Variants in NBEAL1 observed in about 807,000 individuals in gnomAD.
NBEAL1 encodes the protein neurobeachin-like protein 1.
NBEAL1 carries 273 observed loss-of-function variants against 351.3 expected under a neutral mutation model. The ratio of observed to expected loss-of-function variants is 0.78; its 90% confidence interval spans 0.70 to 0.86. The LOEUF is 0.86. Among genes scored for constraint, NBEAL1 ranks in the 40% least tolerant of loss-of-function variants. The pLI, the probability that NBEAL1 is intolerant of heterozygous loss-of-function variation, is 0.00. For missense variants in NBEAL1, 2,961 were observed against 3,201.3 expected (o/e 0.92, Z 1.81); for synonymous variants, 1,050 against 1,086.4 (o/e 0.97, Z 0.66).
At chr2:203,127,387 A>G (rs866848584) in intron 23 of NBEAL1, among the ~76,000 whole-genome samples, 2 of 152,294 alleles carry the variant, frequency 1.3e-5, no homozygotes, top group Middle Eastern at 6.8e-3. Context: ...ACATGGAAAT[A>G]TTTTTTTAAC....
chr2:203,201,545 C>T lies in NBEAL1; in HGVS notation c.7241C>T (p.Thr2414Ile). ...IKDQTVTNPK[T>I]QRSINGSFAP... Reference sequence around the variant, plus strand: ...CTGATATTTAATTGTGTTTACAGAACTCAGCGCAGTATAAATGGTTCTTTT... The same window carrying T: ...CTGATATTTAATTGTGTTTACAGAATTCAGCGCAGTATAAATGGTTCTTTT... The change falls in exon 50 of 56, where the codon ACT (threonine) becomes ATT (isoleucine). Residue 2414 changes from threonine (T) to isoleucine (I), a missense_variant and splice_region_variant. Coordinates refer to ENST00000683969, the MANE Select transcript of NBEAL1 (RefSeq NM_001378026.1). The T allele has an allele frequency of 1.9e-6, 3 of 1,569,002 alleles. No homozygotes were observed. Among genetic ancestry groups the T allele is most frequent in the Non-Finnish European group, 2.6e-6 (3 of 1,154,722 alleles).
At chr2:203,070,012 A>C (rs1330550693) in intron 7 of NBEAL1, among the ~76,000 whole-genome samples, 1 of 152,146 alleles carries the variant, frequency 6.6e-6, no homozygotes, top group Non-Finnish European at 1.5e-5. Flanking sequence ...ATAGAAATGT[A>C]ATTTGTTTTT....
chr2:203,166,716 T>C (rs1186439780), intron 37 of NBEAL1, among the ~76,000 whole-genome samples: 2 of 151,882 alleles, frequency 1.3e-5, no homozygotes, highest in Admixed American at 6.6e-5. Flanking sequence ...CCAGCTAATT[T>C]TGTATTTTTT....
At position 203,222,265 on chromosome 2, in the gene NBEAL1, T is replaced by C. The variant is rs2065961166; in HGVS notation, c.*4911T>C. On this transcript the variant is annotated 3_prime_UTR_variant, in exon 56 of 56. Coordinates refer to ENST00000683969, the MANE Select transcript of NBEAL1 (RefSeq NM_001378026.1). ...TAATGGATATTACAGATCAGACTTC[T>C]CTGTGGAGTTTATAAATATACAGAT... 6.6e-6 allele frequency among the ~76,000 whole-genome samples: 1 copy of C among 152,248 alleles called. No homozygotes were observed.
In NBEAL1 at chr2:203,050,014, G is replaced by A. The variant is rs2061299438; in HGVS notation, c.305+39G>A. On this transcript the variant is annotated intron_variant, in intron 4 of 55. Coordinates refer to ENST00000683969, the MANE Select transcript of NBEAL1 (RefSeq NM_001378026.1). ...AAAATAAGCTAGTTTTCACTCATAG[G>A]TGGGAGTTGAACAATGAGAACACAT... 5.9e-6 allele frequency: 9 copies of A among 1,535,440 alleles called. No individual in the cohort carries two copies. The East Asian group carries it at 2.0e-4, about 33-fold the overall frequency.
chr2:203,079,191 A>G (rs2061829833), intron 8 of NBEAL1, among the ~76,000 whole-genome samples: 1 of 151,978 alleles, frequency 6.6e-6, no homozygotes, highest in African/African-American at 2.4e-5. Flanking sequence ...CAGTTCTCCC[A>G]CTTCAGCCTC....
At chr2:203,048,165 C>T (rs994470556) in intron 3 of NBEAL1, among the ~76,000 whole-genome samples, 2 of 151,874 alleles carry the variant, frequency 1.3e-5, no homozygotes, top group Non-Finnish European at 2.9e-5. Context: ...GGGTGGATCA[C>T]GAGGTCAGGA....
chr2:203,033,173 T>C (rs747815239), intron 2 of NBEAL1, among the ~76,000 whole-genome samples: 43 of 151,910 alleles, frequency 2.8e-4, no homozygotes, highest in Non-Finnish European at 5.1e-4. Context: ...GCTAATTTTT[T>C]GTATTTTTAG....
At chr2:203,051,385 A>T (rs766982622) in intron 4 of NBEAL1, among the ~76,000 whole-genome samples, 9 of 152,006 alleles carry the variant, frequency 5.9e-5, no homozygotes, top group Admixed American at 3.9e-4. Flanking sequence ...TCTCCAAAAA[A>T]ATGTAAAAAT....
chr2:203,222,495 T>C lies in NBEAL1; in HGVS notation c.*5141T>C, dbSNP rs746984573. Among the ~76,000 whole-genome samples the C allele has an allele frequency of 3.3e-5, 5 of 152,240 alleles. No homozygotes were observed. Among genetic ancestry groups the C allele is most frequent in the Non-Finnish European group, 5.9e-5 (4 of 68,034 alleles). ...CCTGAGGGACATTTTGTCTAAAATTTGCTTGGAATGGCTTTATTATCTTTG... is the reference window on the plus strand; with the variant it reads ...CCTGAGGGACATTTTGTCTAAAATTCGCTTGGAATGGCTTTATTATCTTTG... On this transcript the variant is annotated 3_prime_UTR_variant, in exon 56 of 56. Transcript: ENST00000683969.
At position 203,217,285 on chromosome 2, in the gene NBEAL1, G is replaced by C; in HGVS notation, c.8103G>C (p.Trp2701Cys). Residue 2701 changes from tryptophan (W) to cysteine (C), a missense_variant, in exon 56 of 56, where the codon TGG (tryptophan) becomes TGC (cysteine). Transcript: ENST00000683969. The stretch of plus-strand genomic sequence containing the variant: ...CAGGTCAGCTTTCTCGAAAATTTTG[G>C]GGATCGAGCAAGCGGCTCAGCCAGA... ...MRSGQLSRKFWGSSKRLSQIS... is the reference protein window; with the variant it reads ...MRSGQLSRKFCGSSKRLSQIS... The C allele has an allele frequency of 6.3e-7, 1 of 1,597,972 alleles. No homozygotes were observed. Among genetic ancestry groups the C allele is most frequent in the East Asian group, 2.3e-5 (1 of 44,410 alleles).
At chr2:203,055,885 G>A (rs182805192) in intron 4 of NBEAL1, among the ~76,000 whole-genome samples, 70 of 152,262 alleles carry the variant, frequency 4.6e-4, no homozygotes, top group Non-Finnish European at 7.6e-4. Context: ...ATACTGTGCC[G>A]TCTTAGAGTA....
At chr2:203,139,557 C>CCTT (rs2063311788) in intron 31 of NBEAL1, among the ~76,000 whole-genome samples, 2 of 67,666 alleles carry the variant, frequency 3.0e-5, no homozygotes, top group Non-Finnish European at 5.4e-5. Context: ...CCACCCCCAC[C>CCTT]TTTTTTTTTT....
At chr2:203,175,957 G>A (rs1328479256) in intron 42 of NBEAL1, among the ~76,000 whole-genome samples, 1 of 151,958 alleles carries the variant, frequency 6.6e-6, no homozygotes, top group African/African-American at 2.4e-5. Context: ...AGTTAACCTG[G>A]GTTCCTTATT....
Position 203,211,001 on chromosome 2 carries a change from T to C in NBEAL1, c.7829T>C (p.Leu2610Pro). 1 of 1,602,030 alleles carries C rather than the reference T, an allele frequency of 6.2e-7. No individual in the cohort carries two copies. Among genetic ancestry groups the C allele is most frequent in the East Asian group, 2.2e-5 (1 of 44,568 alleles). Residue 2610 changes from leucine (L) to proline (P), a missense_variant, in exon 54 of 56, where the codon CTA becomes CCA. By Grantham distance (98) the Leu-to-Pro change is moderately conservative. Coordinates refer to ENST00000683969, the MANE Select transcript of NBEAL1 (RefSeq NM_001378026.1). ...LHLFSINGKY[L>P]GSQILKEQVS... ...CTGTTTTCTATAAATGGCAAGTATC[T>C]AGGGTCTCAAATCCTGAAGGAACAA...
chr2:203,151,329 C>A, intron 34 of NBEAL1, 136 bp from the exon 35 acceptor site: 1 of 580,876 alleles, frequency 1.7e-6, no homozygotes, highest in Non-Finnish European at 2.7e-6. Flanking sequence ...GAGACTCTGT[C>A]TCTGAAAAAT....
intron 40 of NBEAL1, 27 bp downstream of exon 40, chr2:203,172,050 G>T: frequency 7.4e-7 from 1 of 1,344,110 alleles, no homozygotes; most frequent in Non-Finnish European, 1.0e-6. Flanking sequence ...CCTTATAAAT[G>T]TGGAATTGCC....
At chr2:203,184,363 G>A (rs1357914334) in intron 44 of NBEAL1, among the ~76,000 whole-genome samples, 5 of 152,096 alleles carry the variant, frequency 3.3e-5, no homozygotes, top group South Asian at 2.1e-4. Context: ...CCCAGGAGGC[G>A]GAGGTGACAA....
chr2:203,077,094 A>G (rs1288957384), intron 7 of NBEAL1, among the ~76,000 whole-genome samples: 1 of 152,086 alleles, frequency 6.6e-6, no homozygotes, highest in Non-Finnish European at 1.5e-5. Context: ...ATACATGCAT[A>G]TGACAAAGAA....
Sources: allele counts gnomAD v4.1 joint callset (sites outside exome capture counted in the v4.1 genomes callset), GRCh38; gene constraint gnomAD v4.1.1; transcripts MANE v1.5; gene names NCBI Gene and HGNC (gene_info 2026-07-23, HGNC 2026-07-21).